The following ROBO2 variants were observed in gnomAD, a reference collection of about 807,000 sequenced individuals.
ROBO2 encodes the protein roundabout guidance receptor 2, also known as roundabout homolog 2.
A neutral mutation model predicts 160.8 loss-of-function variants in ROBO2; 53 were observed. That is an observed-to-expected ratio of 0.33 (90% confidence interval 0.26 to 0.41). The LOEUF (loss-of-function observed/expected upper bound fraction) is 0.41, where lower values mean the gene tolerates loss of function less well. Ranked by LOEUF, ROBO2 falls within the 10% of genes least tolerant of loss-of-function variation. ROBO2 has a pLI of 1.00. For synonymous variants in ROBO2, 664 were observed against 611.7 expected (o/e 1.09, Z -1.26); for missense variants, 1,577 against 1,722.4 (o/e 0.92, Z 1.49).
chr3:77,037,177 CATTTGGGATGAG>C (rs1187899656), upstream of ROBO2, among the ~76,000 whole-genome samples: 4 of 152,114 alleles, frequency 2.6e-5, no homozygotes, highest in Non-Finnish European at 5.9e-5. Flanking sequence ...CCTAAACTAT[CATTTGGGATGAG>C]ATTGTTATAA....
intron 2 of ROBO2, among the ~76,000 whole-genome samples, chr3:76,439,449 G>A (rs1407736843): frequency 1.3e-5 from 2 of 151,916 alleles, no homozygotes; most frequent in East Asian, 3.9e-4. Context: ...GAGCTGAATC[G>A]GGAAGATAAG....
chr3:77,175,468 A>T (rs545484164), intron 2 of ROBO2, among the ~76,000 whole-genome samples: 1 of 152,022 alleles, frequency 6.6e-6, no homozygotes, highest in Non-Finnish European at 1.5e-5. Context: ...TTTAATTGGC[A>T]CACGATGAGG....
chr3:76,071,474 T>A (rs183692913), intron 2 of ROBO2, among the ~76,000 whole-genome samples: 25 of 152,304 alleles, frequency 1.6e-4, no homozygotes, highest in Admixed American at 1.4e-3. Flanking sequence ...GTTATCTGGC[T>A]TTATGTTACA....
In ROBO2 at chr3:77,535,841, C is replaced by T. The variant is rs531081155; in HGVS notation, c.935-10497C>T. ...TAAAAGTTCTGTGAAACTTGCATGGCGAATCTCATAATGATTTCCACAGTT... is the reference window on the plus strand; with the variant it reads ...TAAAAGTTCTGTGAAACTTGCATGGTGAATCTCATAATGATTTCCACAGTT... On this transcript the variant is annotated intron_variant, in intron 6 of 25. Transcript: ENST00000461745. Among the ~76,000 whole-genome samples, 23 of 152,042 alleles carry T rather than the reference C, an allele frequency of 1.5e-4. No homozygotes were observed. The South Asian group carries it at 2.9e-3, about 19-fold the overall frequency.
At chr3:76,327,794 A>C (rs183087705) in intron 2 of ROBO2, among the ~76,000 whole-genome samples, 5 of 152,310 alleles carry the variant, frequency 3.3e-5, no homozygotes, top group African/African-American at 1.2e-4. Context: ...AACAGTCTGG[A>C]TGTCATGCTT....
At chr3:77,503,140 T>A (rs2087869823) in intron 5 of ROBO2, among the ~76,000 whole-genome samples, 1 of 152,106 alleles carries the variant, frequency 6.6e-6, no homozygotes, top group Non-Finnish European at 1.5e-5. Context: ...CTCTACGATG[T>A]GCTTATTTCC....
chr3:77,342,501 T>G (rs1327480328), intron 2 of ROBO2, among the ~76,000 whole-genome samples: 2 of 152,198 alleles, frequency 1.3e-5, no homozygotes, highest in Non-Finnish European at 2.9e-5. Flanking sequence ...GAGAGTTGCA[T>G]GTATGAACAT....
intron 2 of ROBO2, among the ~76,000 whole-genome samples, chr3:77,358,086 C>G (rs1306462615): frequency 1.3e-5 from 2 of 152,138 alleles, no homozygotes; most frequent in African/African-American, 2.4e-5. Context: ...AATGCTACAA[C>G]CTGGGTATTT....
intron 2 of ROBO2, among the ~76,000 whole-genome samples, chr3:76,657,760 A>G (rs1389708206): frequency 2.0e-5 from 3 of 147,436 alleles, no homozygotes; most frequent in African/African-American, 7.5e-5. Flanking sequence ...ATATGTATAT[A>G]TATATGTTCA....
intron 2 of ROBO2, among the ~76,000 whole-genome samples, chr3:76,643,004 C>A (rs1027987687): frequency 1.3e-5 from 2 of 152,086 alleles, no homozygotes; most frequent in African/African-American, 4.8e-5. Flanking sequence ...TTATTACATG[C>A]AAAGAAGGCT....
chr3:76,492,525 A>G (rs1183382764), intron 2 of ROBO2, among the ~76,000 whole-genome samples: 1 of 151,212 alleles, frequency 6.6e-6, no homozygotes, highest in Non-Finnish European at 1.5e-5. Flanking sequence ...TGTCACAAAT[A>G]AGAACTTTGA....
At chr3:77,313,945 G>C (rs1399245836) in intron 2 of ROBO2, among the ~76,000 whole-genome samples, 1 of 152,110 alleles carries the variant, frequency 6.6e-6, no homozygotes, top group Non-Finnish European at 1.5e-5. Context: ...CCAGTCCTTG[G>C]GCTACATGCC....
At chr3:76,396,566 A>G (rs1270855173) in intron 2 of ROBO2, among the ~76,000 whole-genome samples, 2 of 152,184 alleles carry the variant, frequency 1.3e-5, no homozygotes, top group Non-Finnish European at 2.9e-5. Context: ...TTATATATCT[A>G]GAAAACCCCA....
upstream of ROBO2, among the ~76,000 whole-genome samples, chr3:77,034,993 A>G (rs2063542541): frequency 6.6e-6 from 1 of 151,930 alleles, no homozygotes; most frequent in South Asian, 2.1e-4. Flanking sequence ...AAGAAATGAT[A>G]AAATAATGGG....
At chr3:77,587,685 C>A (rs555310216) in intron 16 of ROBO2, among the ~76,000 whole-genome samples, 27 of 152,206 alleles carry the variant, frequency 1.8e-4, no homozygotes, top group African/African-American at 6.0e-4. Flanking sequence ...AAAATCATGA[C>A]TTCAAAGATC....
intron 2 of ROBO2, among the ~76,000 whole-genome samples, chr3:76,238,024 C>T (rs1307484194): frequency 6.6e-6 from 1 of 152,100 alleles, no homozygotes; most frequent in African/African-American, 2.4e-5. Context: ...TTCTTTTACT[C>T]TAAAATGCCA....
chr3:77,040,374 G>C, exon 1 of ROBO2: 3 of 1,005,774 alleles, frequency 3.0e-6, no homozygotes, highest in Non-Finnish European at 3.6e-6. Flanking sequence ...CAGCGCGCTG[G>C]CAAGTTTGTG....
chr3:76,365,401 G>C (rs1367521055), intron 2 of ROBO2, among the ~76,000 whole-genome samples: 2 of 152,024 alleles, frequency 1.3e-5, no homozygotes, highest in African/African-American at 4.8e-5. Context: ...TTGAAATTCT[G>C]TAAGAGATAT....
At chr3:76,415,697 T>C (rs1179471650) in intron 2 of ROBO2, among the ~76,000 whole-genome samples, 2 of 152,182 alleles carry the variant, frequency 1.3e-5, no homozygotes, top group African/African-American at 4.8e-5. Flanking sequence ...TTATAGCTGC[T>C]CCTTATAAAT....
Sources: allele counts gnomAD v4.1 joint callset (sites outside exome capture counted in the v4.1 genomes callset), GRCh38; gene constraint gnomAD v4.1.1; transcripts MANE v1.5; gene names NCBI Gene and HGNC (gene_info 2026-07-23, HGNC 2026-07-21).